LAMA1: variants seen among roughly 807,000 people sequenced by gnomAD.
LAMA1 encodes the protein laminin subunit alpha 1, also known as laminin subunit alpha-1.
A neutral mutation model predicts 348.7 loss-of-function variants in LAMA1; 219 were observed. The ratio of observed to expected loss-of-function variants is 0.63; its 90% CI spans 0.56 to 0.70. The LOEUF is 0.70. LAMA1 is among the 30% of genes least tolerant of loss of function. LAMA1 has a pLI of 0.00. For synonymous variants in LAMA1, 1,487 were observed against 1,491.0 expected, an observed-to-expected ratio of 1.00 and a Z score of 0.06; for missense variants, 3,744 against 3,888.0, an observed-to-expected ratio of 0.96 and a Z score of 0.99.
Position 7,015,876 on chromosome 18 carries a change from G to A in LAMA1, c.2990-18C>T. 1 of 1,614,016 alleles carries A rather than the reference G, an allele frequency of 6.2e-7. No individual in the cohort carries two copies. Among genetic ancestry groups the A allele is most frequent in the Non-Finnish European group, 8.5e-7 (1 of 1,179,986 alleles). Reference sequence around the variant, plus strand: ...GTCACAGGCTGAAATAAAGATGAATGCTGGGTTACAGATCTGGGTGATGTC... The same window carrying A: ...GTCACAGGCTGAAATAAAGATGAATACTGGGTTACAGATCTGGGTGATGTC... On this transcript the variant is annotated intron_variant, in intron 21 of 62. Transcript: ENST00000389658.
intron 6 of LAMA1, among the ~76,000 whole-genome samples, chr18:7,045,388 TGAACCCA>T (rs1190635060): frequency 2.0e-5 from 3 of 152,048 alleles, no homozygotes; most frequent in Non-Finnish European, 4.4e-5. Flanking sequence ...GATAATCCCT[TGAACCCA>T]GGATGCGGAG....
chr18:7,048,023 A>T lies in LAMA1; in HGVS notation c.768+1055T>A, dbSNP rs956464922. ...CATTAATCATAAAAGAAAAAATGGT[A>T]AATTGGGATTCGTCACAAAACCTCT... On this transcript the variant is annotated intron_variant, in intron 5 of 62. Transcript: ENST00000389658. Among the ~76,000 whole-genome samples the T allele has an allele frequency of 9.2e-5, 14 of 152,236 alleles. 1 individual carries two copies. Among genetic ancestry groups the T allele is most frequent in the Admixed American group, 7.9e-4 (12 of 15,284 alleles).
intron 36 of LAMA1, among the ~76,000 whole-genome samples, chr18:6,991,768 A>C (rs190028080): frequency 3.9e-5 from 6 of 152,210 alleles, no homozygotes; most frequent in Non-Finnish European, 8.8e-5. Flanking sequence ...GTATAAATAA[A>C]TATTTGATAT....
At chr18:6,998,453 G>A (rs1003194749) in intron 32 of LAMA1, among the ~76,000 whole-genome samples, 4 of 152,084 alleles carry the variant, frequency 2.6e-5, no homozygotes, top group Non-Finnish European at 4.4e-5. Flanking sequence ...CTTTAACTAG[G>A]ACCCACTGCA....
intron 16 of LAMA1, among the ~76,000 whole-genome samples, chr18:7,031,756 T>C (rs963074023): frequency 6.6e-6 from 1 of 151,522 alleles, no homozygotes; most frequent in Non-Finnish European, 1.5e-5. Context: ...AGACAACATT[T>C]TTTTACCTTT....
Position 6,985,576 on chromosome 18 carries a change from A to T in LAMA1, c.5447T>A (p.Leu1816Ter). Residue 1816 changes from leucine to a stop codon, truncating the protein, a stop_gained, in exon 38 of 63, where the codon TTG (leucine) becomes TAG (stop). Transcript: ENST00000389658. LOFTEE classifies it high-confidence loss of function. ...TGTTTGTGCAGCAGCAGCATCTATC[A>T]ATCCTCTTCCTTGGACAATGAGCTC... ...TSELIVQGRG[L>*]IDAAAAQTDA... The T allele has an allele frequency of 6.2e-7, 1 of 1,614,118 alleles. No homozygotes were observed. The highest frequency in any genetic ancestry group is 8.5e-7 in the Non-Finnish European group (1 of 1,180,008).
At chr18:6,967,556 G>T (rs114346091) in intron 48 of LAMA1, among the ~76,000 whole-genome samples, 2,636 of 152,258 alleles carry the variant, frequency 0.017, 66 homozygotes, top group African/African-American at 0.055. Context: ...CTCTGGGAGG[G>T]CTGCCCCAGG....
rs549251229 is a variant in LAMA1 at position 7,093,188 on chromosome 18, G to A, written c.62-12731C>T. On this transcript the variant is annotated intron_variant, in intron 1 of 62. Coordinates refer to ENST00000389658, the MANE Select transcript of LAMA1 (RefSeq NM_005559.4). ...TCCCAGCACTTTGGGAGGCCGAGGC[G>A]GGCGGATCACGAGGTCAGGATATCA... is the stretch of plus-strand genomic sequence containing the variant. 2.3e-3 allele frequency among the ~76,000 whole-genome samples: 345 copies of A among 152,188 alleles called. 1 individual carries two copies. Among genetic ancestry groups the A allele is most frequent in the African/African-American group, 7.9e-3 (326 of 41,520 alleles).
intron 1 of LAMA1, among the ~76,000 whole-genome samples, chr18:7,115,814 C>CAAAACA (rs58813825): frequency 4.2e-5 from 4 of 94,840 alleles, no homozygotes; most frequent in Non-Finnish European, 6.4e-5. Flanking sequence ...ACTAAAAATA[C>CAAAACA]AAAAAAAAAA....
intron 36 of LAMA1, among the ~76,000 whole-genome samples, chr18:6,989,380 G>T (rs2057749307): frequency 6.6e-6 from 1 of 152,094 alleles, no homozygotes; most frequent in Non-Finnish European, 1.5e-5. Context: ...GTTAGTTCTG[G>T]AGACCCCCGA....
rs496922 is a variant in LAMA1 at position 6,952,956 on chromosome 18, G to T, written c.8208-1985C>A. Among the ~76,000 whole-genome samples, 273 of 148,452 alleles carry T rather than the reference G, an allele frequency of 1.8e-3. 3 individuals carry two copies. Among genetic ancestry groups the T allele is most frequent in the African/African-American group, 6.6e-3 (264 of 39,986 alleles). The stretch of plus-strand genomic sequence containing the variant: ...TGTGTCCAGTGGATCCACACCATGG[G>T]AGCCATGTCTGCCTGTGTCCGGCGG... On this transcript the variant is annotated intron_variant, in intron 57 of 62. Transcript: ENST00000389658.
At chr18:7,099,584 A>G (rs190210558) in intron 1 of LAMA1, among the ~76,000 whole-genome samples, 79 of 152,254 alleles carry the variant, frequency 5.2e-4, no homozygotes, top group Admixed American at 2.9e-3. Flanking sequence ...GCTAAATTAT[A>G]AACTTTCCAG....
intron 61 of LAMA1, among the ~76,000 whole-genome samples, chr18:6,943,758 G>A (rs950303863): frequency 3.4e-5 from 5 of 147,188 alleles, no homozygotes; most frequent in Non-Finnish European, 7.4e-5. Context: ...CAGGAAAATC[G>A]CTTAAACCTA....
intron 51 of LAMA1, among the ~76,000 whole-genome samples, chr18:6,962,790 C>T (rs1443133158): frequency 2.0e-5 from 3 of 152,166 alleles, no homozygotes; most frequent in East Asian, 1.9e-4. Flanking sequence ...CTGTTGTTTA[C>T]GTTGCATATC....
intron 22 of LAMA1, among the ~76,000 whole-genome samples, chr18:7,014,292 A>G (rs970347224): frequency 1.3e-5 from 2 of 152,220 alleles, no homozygotes; most frequent in African/African-American, 2.4e-5. Flanking sequence ...AACTGAAATT[A>G]AATCTACTAG....
At position 7,038,843 on chromosome 18, in the gene LAMA1, A is replaced by G. The variant is rs1448821855; in HGVS notation, c.1530T>C (p.Asp510=). 6.2e-7 allele frequency: 1 copy of G among 1,614,226 alleles called. No homozygotes were observed. The highest frequency in any genetic ancestry group is 1.1e-5 in the South Asian group (1 of 91,084). Reference sequence around the variant, plus strand: ...CAGGCCAAGAGAGGCTGCTGCAGACATCAGAAACGCCAAAGCAGAAGCACT... The same window carrying G: ...CAGGCCAAGAGAGGCTGCTGCAGACGTCAGAAACGCCAAAGCAGAAGCACT... ...CSECFCFGVS[D]VCSSLSWPVG... The change falls in exon 11 of 63, where the codon GAT becomes GAC. Residue 510 remains aspartate (D), a synonymous_variant. Transcript: ENST00000389658.
In LAMA1 at chr18:7,034,579, T is replaced by C. The variant is rs748220556; in HGVS notation, c.1951A>G (p.Lys651Glu). The C allele has an allele frequency of 3.7e-6, 6 of 1,614,090 alleles. No individual in the cohort carries two copies. In the Admixed American group the frequency reaches 6.7e-5, roughly 18 times the overall value. Reference protein sequence around the residue: ...VPENFQDFHSKRQIDRDQLMT... With the variant: ...VPENFQDFHSERQIDRDQLMT... ...AGCTGGTCACGATCAATCTGCCTTT[T>C]GCTGTGAAAATCTTGGAAGTTTTCA... The change falls in exon 14 of 63, where the codon AAA becomes GAA. Residue 651 changes from lysine to glutamate, a missense_variant. Physicochemically the swap from Lys to Glu is moderately conservative, Grantham distance 56 (BLOSUM62 1). Around this residue, in one of 3 missense-constraint regions of LAMA1, gnomAD observed 1,529 missense variants for 1,689.4 expected, o/e 0.91. Coordinates refer to ENST00000389658, the MANE Select transcript of LAMA1 (RefSeq NM_005559.4).
chr18:7,057,144 A>G (rs2058085153), intron 3 of LAMA1, among the ~76,000 whole-genome samples: 1 of 152,068 alleles, frequency 6.6e-6, no homozygotes, highest in African/African-American at 2.4e-5. Context: ...GATTAAAGAC[A>G]TGAGGCACCA....
chr18:7,036,034 C>G lies in LAMA1; in HGVS notation c.1792G>C (p.Glu598Gln), dbSNP rs116690149. The G allele has an allele frequency of 3.2e-4, 522 of 1,614,234 alleles. 2 individuals carry two copies. The African/African-American group carries it at 6.4e-3, about 20-fold the overall frequency. Residue 598 changes from glutamate to glutamine, a missense_variant, in exon 13 of 63, where the codon GAG (glutamate) becomes CAG (glutamine). By Grantham distance (29) the Glu-to-Gln change is conservative. Transcript: ENST00000389658. The part of the protein sequence containing the change: ...KYTVSYDIPV[E>Q]TVDSNLMSHA... ...GACATGAGGTTACTGTCTACCGTCT[C>G]TACCGGAATATCGTAGGACACCGTG...
Sources: gnomAD v4.1 joint callset for allele counts (sites outside exome capture counted in the v4.1 genomes callset) on GRCh38, gnomAD v4.1.1 for gene constraint, gnomAD v4.1.1 regional missense constraint, MANE v1.5 for transcripts, NCBI Gene and HGNC (gene_info 2026-07-23, HGNC 2026-07-21) for gene names.